CSMD3: variants seen among roughly 807,000 people sequenced by gnomAD.
The protein encoded by CSMD3 is CUB and sushi domain-containing protein 3.
A neutral mutation model predicts 435.2 loss-of-function variants in CSMD3; 177 were observed. That is an observed-to-expected ratio of 0.41 (90% confidence interval 0.36 to 0.46). The LOEUF (loss-of-function observed/expected upper bound fraction) is 0.46, where lower values mean the gene tolerates loss of function less well. CSMD3 is among the 20% of genes least tolerant of loss of function. CSMD3 has a pLI of 0.34. For synonymous variants in CSMD3, 1,656 were observed against 1,520.5 expected, an observed-to-expected ratio of 1.09 and a Z score of -2.07; for missense variants, 4,265 against 4,504.6, an observed-to-expected ratio of 0.95 and a Z score of 1.52.
chr8:113,378,866 TAAG>T (rs1156267823), intron 1 of CSMD3, among the ~76,000 whole-genome samples: 2 of 151,894 alleles, frequency 1.3e-5, no homozygotes, highest in African/African-American at 4.8e-5. Flanking sequence ...CAGCTCTTCA[TAAG>T]AAGCTAAACT....
chr8:112,979,822 G>C (rs1327020740), intron 6 of CSMD3, among the ~76,000 whole-genome samples: 1 of 150,900 alleles, frequency 6.6e-6, no homozygotes, highest in Non-Finnish European at 1.5e-5. Flanking sequence ...TAAGTTACTT[G>C]AGAAAAATCT....
intron 27 of CSMD3, among the ~76,000 whole-genome samples, chr8:112,522,419 T>A (rs1824391316): frequency 6.6e-6 from 1 of 151,896 alleles, no homozygotes; most frequent in Non-Finnish European, 1.5e-5. Flanking sequence ...TCTTCACTGA[T>A]CTAAATCCAC....
chr8:112,461,359 T>G (rs990171767), intron 32 of CSMD3, among the ~76,000 whole-genome samples: 5 of 152,156 alleles, frequency 3.3e-5, no homozygotes, highest in Non-Finnish European at 5.9e-5. Context: ...AAAAAGGCTG[T>G]ATGTAATGAC....
chr8:112,773,957 C>T (rs1159358204), intron 13 of CSMD3, among the ~76,000 whole-genome samples: 1 of 152,004 alleles, frequency 6.6e-6, no homozygotes, highest in Non-Finnish European at 1.5e-5. Context: ...CATTGTGAGG[C>T]TAGAGCAACT....
intron 13 of CSMD3, among the ~76,000 whole-genome samples, chr8:112,731,493 A>G (rs1333727960): frequency 6.6e-6 from 1 of 152,148 alleles, no homozygotes; most frequent in Non-Finnish European, 1.5e-5. Flanking sequence ...AATGCCATTT[A>G]TGAACATGGA....
intron 13 of CSMD3, among the ~76,000 whole-genome samples, chr8:112,766,950 G>A (rs2077994830): frequency 1.3e-5 from 2 of 151,784 alleles, no homozygotes; most frequent in African/African-American, 4.8e-5. Flanking sequence ...TATAAATAGT[G>A]ACTTAGCTTG....
intron 1 of CSMD3, among the ~76,000 whole-genome samples, chr8:113,408,548 T>C (rs1363897956): frequency 6.6e-6 from 1 of 152,086 alleles, no homozygotes; most frequent in Non-Finnish European, 1.5e-5. Flanking sequence ...AGATATTGTC[T>C]GATCTAAAAA....
At chr8:112,650,080 T>G (rs1452442430) in intron 19 of CSMD3, 81 bp downstream of exon 19, 1 of 982,652 alleles carries the variant, frequency 1.0e-6, no homozygotes, top group East Asian at 2.4e-5. Context: ...TATTTATAAT[T>G]ATGTTAAACC....
At chr8:112,254,982 TTAA>T (rs1184003253) in intron 62 of CSMD3, among the ~76,000 whole-genome samples, 2 of 152,124 alleles carry the variant, frequency 1.3e-5, no homozygotes, top group Non-Finnish European at 2.9e-5. Flanking sequence ...ATGTTAGTAC[TTAA>T]TAATGTCACT....
intron 22 of CSMD3, among the ~76,000 whole-genome samples, chr8:112,612,089 G>C (rs2131471974): frequency 6.6e-6 from 1 of 152,190 alleles, no homozygotes; most frequent in East Asian, 1.9e-4. Flanking sequence ...TATTAGTTGA[G>C]GAAAGCCCAG....
intron 3 of CSMD3, among the ~76,000 whole-genome samples, chr8:113,275,218 CAAT>C (rs1293159720): frequency 9.2e-5 from 14 of 152,044 alleles, no homozygotes; most frequent in African/African-American, 3.4e-4. Flanking sequence ...CAGATGAAGA[CAAT>C]GAGATTTAGA....
At chr8:112,589,273 G>T (rs1248046504) in intron 22 of CSMD3, among the ~76,000 whole-genome samples, 1 of 152,062 alleles carries the variant, frequency 6.6e-6, no homozygotes, top group Non-Finnish European at 1.5e-5. Context: ...CAATTTAGCT[G>T]CCCTGAGCTA....
intron 66 of CSMD3, among the ~76,000 whole-genome samples, chr8:112,240,749 A>G (rs538256873): frequency 6.6e-6 from 1 of 152,256 alleles, no homozygotes; most frequent in East Asian, 1.9e-4. Context: ...TTGTACTCCC[A>G]TAATTCCCAC....
intron 32 of CSMD3, among the ~76,000 whole-genome samples, chr8:112,418,874 T>C (rs377098474): frequency 1.3e-5 from 2 of 152,208 alleles, no homozygotes; most frequent in Non-Finnish European, 2.9e-5. Flanking sequence ...CCCAATGTCA[T>C]GTGACGGTCA....
chr8:112,517,351 A>C, intron 27 of CSMD3, 126 bp from the exon 28 acceptor site: 1 of 642,456 alleles, frequency 1.6e-6, no homozygotes, highest in Non-Finnish European at 2.7e-6. Context: ...TACAATAAAC[A>C]CTTTCTCCAT....
At chr8:113,229,566 C>G (rs2093062709) in intron 3 of CSMD3, among the ~76,000 whole-genome samples, 2 of 151,228 alleles carry the variant, frequency 1.3e-5, no homozygotes, top group Non-Finnish European at 3.0e-5. Flanking sequence ...GGGCATATTG[C>G]CAAAGAGTAA....
chr8:113,142,495 A>C (rs1270716113), intron 4 of CSMD3, among the ~76,000 whole-genome samples: 1 of 151,238 alleles, frequency 6.6e-6, no homozygotes, highest in Non-Finnish European at 1.5e-5. Context: ...TTTTCAACAA[A>C]GCTATAAAAG....
chr8:112,336,997 G>C (rs1456058266), intron 43 of CSMD3, among the ~76,000 whole-genome samples, 168 bp from the exon 44 acceptor site: 8 of 152,084 alleles, frequency 5.3e-5, no homozygotes, highest in Admixed American at 5.2e-4. Context: ...GCACAAAATA[G>C]AGTCAACTTT....
intron 5 of CSMD3, among the ~76,000 whole-genome samples, chr8:113,057,492 A>T (rs2088396375): frequency 6.6e-6 from 1 of 152,034 alleles, no homozygotes. Context: ...ATCTCATTAG[A>T]GCCAAAAATT....
Sources: gnomAD v4.1 joint callset for allele counts (sites outside exome capture counted in the v4.1 genomes callset) on GRCh38, gnomAD v4.1.1 for gene constraint, MANE v1.5 for transcripts, NCBI Gene and HGNC (gene_info 2026-07-23, HGNC 2026-07-21) for gene names.